ZNF605: variants seen among roughly 807,000 people sequenced by gnomAD.
ZNF605 encodes the protein zinc finger protein 605.
A neutral mutation model predicts 7.9 loss-of-function variants in ZNF605; 9 were observed. That is an observed-to-expected ratio of 1.14 (90% CI 0.68 to 1.98). The LOEUF (loss-of-function observed/expected upper bound fraction) is 1.98, where lower values mean the gene tolerates loss of function less well. ZNF605 is among the 30% of genes most tolerant of loss of function. The pLI, the probability that ZNF605 is intolerant of heterozygous loss-of-function variation, is 0.00. For synonymous variants in ZNF605, 255 were observed against 260.1 expected (o/e 0.98, Z 0.19); for missense variants, 673 against 762.4 (o/e 0.88, Z 1.38).
rs2137116540 is a variant in ZNF605 at position 132,918,858 on chromosome 12, TGACAGGCGTGA to T, written c.*6504_*6514del. The stretch of plus-strand genomic sequence containing the variant: ...ACCTTGGCCTCCCAAAGTGCTGGGA[TGACAGGCGTGA>T]GCCATCGCACCTGGCCAGCCTTACC... On this transcript the variant is annotated 3_prime_UTR_variant, in exon 5 of 5. Coordinates refer to ENST00000360187, the MANE Select transcript of ZNF605 (RefSeq NM_183238.4). 6.6e-6 allele frequency: 1 copy of T among 152,504 alleles called. No individual in the cohort carries two copies. Among genetic ancestry groups the T allele is most frequent in the South Asian group, 2.1e-4 (1 of 4,836 alleles). The allele number at this position is 152,504 out of a possible 1,614,324, so 9.4% of individuals were successfully genotyped here.
intron 3 of ZNF605, among the ~76,000 whole-genome samples, chr12:132,934,598 C>T (rs1466912046): frequency 3.5e-5 from 5 of 144,140 alleles, no homozygotes; most frequent in African/African-American, 1.3e-4. Context: ...CCCAGCTACT[C>T]GGGAGGCTGA....
At chr12:132,946,906 G>T (rs978295771) in intron 2 of ZNF605, among the ~76,000 whole-genome samples, 3 of 152,330 alleles carry the variant, frequency 2.0e-5, no homozygotes, top group Non-Finnish European at 4.4e-5. Flanking sequence ...ACCCCGAGGG[G>T]AATGTGTGCT....
Position 132,941,149 on chromosome 12 carries a change from T to A in ZNF605, c.15+4472A>T, listed in dbSNP as rs1952435947. ...TGCGCTTGCTAAATGCAGACTAAGATGTCTTCCACTCCGGAGCAAGCAGAT... is the reference window on the plus strand; with the variant it reads ...TGCGCTTGCTAAATGCAGACTAAGAAGTCTTCCACTCCGGAGCAAGCAGAT... On this transcript the variant is annotated intron_variant, in intron 3 of 4. Transcript: ENST00000360187. This position sits in a 1 kb window ranked among gnomAD's most constrained non-coding sequence, Gnocchi z 5.1. Among the ~76,000 whole-genome samples, 2 of 152,072 alleles carry A rather than the reference T, an allele frequency of 1.3e-5. No individual in the cohort carries two copies. Among genetic ancestry groups the A allele is most frequent in the Non-Finnish European group, 2.9e-5 (2 of 68,000 alleles).
intron 4 of ZNF605, among the ~76,000 whole-genome samples, chr12:132,927,554 C>T (rs974072245): frequency 6.0e-5 from 9 of 151,030 alleles, no homozygotes; most frequent in South Asian, 4.2e-4. Flanking sequence ...TTAATAGAGA[C>T]GGGGTTTCAC....
At chr12:132,938,363 C>T (rs1255293233) in intron 3 of ZNF605, among the ~76,000 whole-genome samples, 4 of 151,968 alleles carry the variant, frequency 2.6e-5, no homozygotes, top group South Asian at 2.1e-4. Flanking sequence ...TGAAGTGGCA[C>T]GATCTCGACT....
Position 132,921,649 on chromosome 12 carries a change from T to C in ZNF605, c.*3724A>G, listed in dbSNP as rs1217272071. Reference sequence around the variant, plus strand: ...TTATTAACACAGACTACAACGTCAATGAAGCCTCCTGGCATTGTCGGAAAT... The same window carrying C: ...TTATTAACACAGACTACAACGTCAACGAAGCCTCCTGGCATTGTCGGAAAT... On this transcript the variant is annotated 3_prime_UTR_variant, in exon 5 of 5. Coordinates refer to ENST00000360187, the MANE Select transcript of ZNF605 (RefSeq NM_183238.4). The C allele has an allele frequency of 6.6e-6, 1 of 152,206 alleles. No homozygotes were observed. The highest frequency in any genetic ancestry group is 1.9e-4 in the East Asian group (1 of 5,206). The allele number at this position is 152,206 out of a possible 1,614,324, so 9.4% of individuals were successfully genotyped here.
chr12:132,943,382 C>G (rs1201997321), intron 3 of ZNF605, among the ~76,000 whole-genome samples: 13 of 151,008 alleles, frequency 8.6e-5, no homozygotes, highest in African/African-American at 2.9e-4. Flanking sequence ...ACAAAAAAAA[C>G]CTGTAGTGCA....
rs1320062633 is a variant in ZNF605 at position 132,933,806 on chromosome 12, C to A, written c.16-651G>T. Among the ~76,000 whole-genome samples the A allele has an allele frequency of 2.6e-5, 4 of 152,222 alleles. No individual in the cohort carries two copies. The highest frequency in any genetic ancestry group is 9.7e-5 in the African/African-American group (4 of 41,446). On this transcript the variant is annotated intron_variant, in intron 3 of 4. Transcript: ENST00000360187. The surrounding 1 kb of genome is among the most constrained non-coding windows in gnomAD (Gnocchi z 4.4). ...ATTCATTCATCCATGTACCTATCCA[C>A]TGAACAAGAAACCAGAATAGGTTGT...
intron 2 of ZNF605, among the ~76,000 whole-genome samples, chr12:132,946,456 C>G (rs957183247): frequency 6.6e-6 from 1 of 152,198 alleles, no homozygotes; most frequent in African/African-American, 2.4e-5. Context: ...AGCCAGAGGG[C>G]GCAGCAAGAC....
chr12:132,929,134 G>C (rs1205030121), intron 4 of ZNF605, among the ~76,000 whole-genome samples: 1 of 152,170 alleles, frequency 6.6e-6, no homozygotes, highest in Non-Finnish European at 1.5e-5. Context: ...CAGGCTGGCT[G>C]CGGTGACTGA....
intron 1 of ZNF605, among the ~76,000 whole-genome samples, chr12:132,954,933 A>G (rs1350525931): frequency 6.6e-6 from 1 of 152,010 alleles, no homozygotes; most frequent in East Asian, 1.9e-4. Flanking sequence ...AGATCCCCAA[A>G]CACAAGCACA....
chr12:132,921,463 G>A lies in ZNF605; in HGVS notation c.*3910C>T, dbSNP rs1952204917. 1 of 152,184 alleles carries A rather than the reference G, an allele frequency of 6.6e-6. No homozygotes were observed. The highest frequency in any genetic ancestry group is 1.5e-5 in the Non-Finnish European group (1 of 68,042). 9.4% of individuals were successfully genotyped at this position (152,184 alleles called of 1,614,324 possible). On this transcript the variant is annotated 3_prime_UTR_variant, in exon 5 of 5. Coordinates refer to ENST00000360187, the MANE Select transcript of ZNF605 (RefSeq NM_183238.4). The stretch of plus-strand genomic sequence containing the variant: ...AGGGGGGCATGGGAGAATCCTGATG[G>A]TGGAAATCATTTTATTCTCATACAC...
In ZNF605 at chr12:132,945,262, C is replaced by A. The variant is rs1019077683; in HGVS notation, c.15+359G>T. 4.4e-5 allele frequency: 32 copies of A among 729,422 alleles called. No homozygotes were observed. The African/African-American group carries it at 5.1e-4, about 12-fold the overall frequency. The allele number at this position is 729,422 out of a possible 1,614,324, so 45.2% of individuals were successfully genotyped here. On this transcript the variant is annotated intron_variant, in intron 3 of 4. Transcript: ENST00000360187. Reference sequence around the variant, plus strand: ...TACAGGCATGAGCCACCATGCCCAGCTGAGACTTTTGTATGTTTCTATAAT... The same window carrying A: ...TACAGGCATGAGCCACCATGCCCAGATGAGACTTTTGTATGTTTCTATAAT...
At position 132,951,171 on chromosome 12, in the gene ZNF605, CAG is replaced by C. The variant is rs1952559842; in HGVS notation, c.-285-2903_-285-2902del. On this transcript the variant is annotated intron_variant, in intron 1 of 4. Coordinates refer to ENST00000360187, the MANE Select transcript of ZNF605 (RefSeq NM_183238.4). ...CACACACTGGTACATAACGTATACACAGACGTACACACAGACATGCACACACA... is the reference window on the plus strand; with the variant it reads ...CACACACTGGTACATAACGTATACACACGTACACACAGACATGCACACACA... Among the ~76,000 whole-genome samples, 5 of 151,308 alleles carry C rather than the reference CAG, an allele frequency of 3.3e-5. No homozygotes were observed. The South Asian group carries it at 8.3e-4, about 25-fold the overall frequency.
At position 132,925,834 on chromosome 12, in the gene ZNF605, T is replaced by C; in HGVS notation, c.1465A>G (p.Lys489Glu). Residue 489 changes from lysine (K) to glutamate (E), a missense_variant, in exon 5 of 5, where the codon AAG becomes GAG. Coordinates refer to ENST00000360187, the MANE Select transcript of ZNF605 (RefSeq NM_183238.4). ...CTCTGATGATGAATGAGACTTGACT[T>C]CTCACTGAAGGTTTTCCTGCATTCA... Reference protein sequence around the residue: ...CSECRKTFSEKSSLIHHQRTH... With the variant: ...CSECRKTFSEESSLIHHQRTH... The C allele has an allele frequency of 6.2e-7, 1 of 1,614,190 alleles. No homozygotes were observed.
chr12:132,945,272 T>G (rs1952484547), intron 3 of ZNF605: 2 of 779,278 alleles, frequency 2.6e-6, no homozygotes, highest in Non-Finnish European at 2.1e-6. Context: ...CTGAGACTTT[T>G]GTATGTTTCT....
chr12:132,939,038 C>G (rs1303759644), intron 3 of ZNF605, among the ~76,000 whole-genome samples: 8 of 151,540 alleles, frequency 5.3e-5, no homozygotes, highest in Admixed American at 5.3e-4. Context: ...GCCTCCCACC[C>G]ACTCCATGGG....
chr12:132,945,682 C>T lies in ZNF605; in HGVS notation c.-47G>A. 6.2e-7 allele frequency: 1 copy of T among 1,614,194 alleles called. No individual in the cohort carries two copies. The highest frequency in any genetic ancestry group is 1.7e-5 in the Admixed American group (1 of 60,028). ...CTGCTGTTTTGTGACTTCTCTTAGT[C>T]CTGACACCCTGGAGTGGCCTCTGGT... is the stretch of plus-strand genomic sequence containing the variant. On this transcript the variant is annotated 5_prime_UTR_variant, in exon 3 of 5. Coordinates refer to ENST00000360187, the MANE Select transcript of ZNF605 (RefSeq NM_183238.4).
intron 4 of ZNF605, among the ~76,000 whole-genome samples, chr12:132,930,391 A>G (rs1952295705): frequency 3.3e-5 from 5 of 152,116 alleles, no homozygotes. Context: ...TCTTTCCTTC[A>G]TAGTACTTAT....
Sources: allele counts gnomAD v4.1 joint callset (sites outside exome capture counted in the v4.1 genomes callset), GRCh38; gene constraint gnomAD v4.1.1; non-coding constraint Gnocchi (gnomAD v3.1); transcripts MANE v1.5; gene names NCBI Gene and HGNC (gene_info 2026-07-23, HGNC 2026-07-21).